XRCC5: variants seen among roughly 807,000 people sequenced by gnomAD.
XRCC5 encodes X-ray repair cross complementing 5, also known as DNA repair protein Ku80.
XRCC5 carries 12 observed loss-of-function variants against 95.7 expected under a neutral mutation model. That is an observed-to-expected ratio of 0.13 (90% CI 0.08 to 0.20). The LOEUF (loss-of-function observed/expected upper bound fraction) is 0.20, where lower values mean the gene tolerates loss of function less well. Ranked by LOEUF, XRCC5 falls within the 10% of genes least tolerant of loss-of-function variation. The pLI is 1.00. For missense variants in XRCC5, 595 were observed against 873.9 expected, an observed-to-expected ratio of 0.68 and a Z score of 4.02; for synonymous variants, 281 against 290.3, an observed-to-expected ratio of 0.97 and a Z score of 0.33.
intron 16 of XRCC5, among the ~76,000 whole-genome samples, chr2:216,173,443 G>A (rs1031087148): frequency 1.3e-5 from 2 of 152,084 alleles, no homozygotes; most frequent in African/African-American, 4.8e-5. Context: ...GTTGAGTTTT[G>A]TTAGATGCAT....
chr2:216,172,578 C>T (rs528857961), intron 16 of XRCC5, among the ~76,000 whole-genome samples: 12 of 148,538 alleles, frequency 8.1e-5, no homozygotes, highest in African/African-American at 2.0e-4. Flanking sequence ...AAGTGATTCT[C>T]GTGCCTCAGC....
intron 16 of XRCC5, among the ~76,000 whole-genome samples, chr2:216,189,168 GT>G (rs1251300144): frequency 3.9e-5 from 6 of 152,218 alleles, no homozygotes; most frequent in Non-Finnish European, 7.3e-5. Context: ...GCCTTTATTG[GT>G]AAAGCTTGAA....
At chr2:216,147,957 G>GT in intron 13 of XRCC5, 126 bp from the exon 14 acceptor site, 2 of 1,041,170 alleles carry the variant, frequency 1.9e-6, no homozygotes, top group East Asian at 2.5e-5. Flanking sequence ...CCTCTTGATT[G>GT]TTTTTTACAT....
At chr2:216,111,887 G>T (rs1696596816) in intron 1 of XRCC5, among the ~76,000 whole-genome samples, 2 of 152,168 alleles carry the variant, frequency 1.3e-5, no homozygotes, top group Admixed American at 1.3e-4. Context: ...TAGGAGAGAT[G>T]GGACTAGATC....
intron 19 of XRCC5, among the ~76,000 whole-genome samples, chr2:216,201,577 C>CATCA (rs1689834376): frequency 6.6e-6 from 1 of 152,096 alleles, no homozygotes; most frequent in Admixed American, 6.5e-5. Context: ...TTTATGGTAA[C>CATCA]CCCAGGTAAG....
At chr2:216,203,537 C>CA (rs1314097992) in intron 19 of XRCC5, among the ~76,000 whole-genome samples, 2 of 152,182 alleles carry the variant, frequency 1.3e-5, no homozygotes, top group Non-Finnish European at 2.9e-5. Context: ...CAAGGGCACT[C>CA]ACCTCACTAC....
At chr2:216,143,956 C>T (rs962670772) in intron 13 of XRCC5, among the ~76,000 whole-genome samples, 22 of 151,998 alleles carry the variant, frequency 1.4e-4, no homozygotes, top group African/African-American at 1.7e-4. Context: ...CCTTGTGATC[C>T]GCCCGCCTCG....
chr2:216,118,523 A>G (rs891006528), intron 4 of XRCC5, among the ~76,000 whole-genome samples: 2 of 152,134 alleles, frequency 1.3e-5, no homozygotes, highest in Admixed American at 6.5e-5. Context: ...TTGGAAGTGT[A>G]TCTCTGGAGA....
chr2:216,157,414 T>C (rs989847435), intron 14 of XRCC5, among the ~76,000 whole-genome samples: 1 of 152,008 alleles, frequency 6.6e-6, no homozygotes, highest in South Asian at 2.1e-4. Context: ...TTTGTACTTT[T>C]AATAGAGGTG....
At chr2:216,185,649 G>A (rs1164642747) in intron 16 of XRCC5, among the ~76,000 whole-genome samples, 1 of 150,934 alleles carries the variant, frequency 6.6e-6, no homozygotes, top group East Asian at 1.9e-4. Flanking sequence ...ATTGTCATTG[G>A]CTACATAAAT....
chr2:216,141,345 A>T, intron 13 of XRCC5, 26 bp downstream of exon 13: 1 of 1,613,350 alleles, frequency 6.2e-7, no homozygotes. Flanking sequence ...TGAACAAGTC[A>T]TATTTCTTTT....
chr2:216,179,294 T>C (rs1175763020), intron 16 of XRCC5, among the ~76,000 whole-genome samples: 1 of 152,192 alleles, frequency 6.6e-6, no homozygotes, highest in Non-Finnish European at 1.5e-5. Flanking sequence ...GTTTGCCTCT[T>C]CTTATAAGGA....
intron 13 of XRCC5, among the ~76,000 whole-genome samples, chr2:216,143,226 C>A (rs1697199211): frequency 1.3e-5 from 2 of 152,200 alleles, no homozygotes; most frequent in African/African-American, 2.4e-5. Context: ...ATTGAACCAT[C>A]ATAAACCAGG....
chr2:216,109,574 T>C, intron 1 of XRCC5, 117 bp downstream of exon 1: 2 of 1,460,774 alleles, frequency 1.4e-6, no homozygotes, highest in Non-Finnish European at 1.9e-6. Flanking sequence ...GAGAAGATCA[T>C]GGTGGTGGGC....
chr2:216,171,393 G>A (rs1207083010), intron 16 of XRCC5, among the ~76,000 whole-genome samples: 1 of 152,246 alleles, frequency 6.6e-6, no homozygotes, highest in African/African-American at 2.4e-5. Context: ...TTATAGAACA[G>A]TTTCAGCAGG....
At chr2:216,135,859 A>T (rs1347444547) in intron 10 of XRCC5, among the ~76,000 whole-genome samples, 1 of 151,578 alleles carries the variant, frequency 6.6e-6, no homozygotes, top group Non-Finnish European at 1.5e-5. Flanking sequence ...CGGGGTTTCC[A>T]GTGTGGTTGA....
rs747121175 is a variant in XRCC5, at chr2:216,205,240, G to A, written c.*38G>A. The A allele has an allele frequency of 3.0e-5, 48 of 1,613,560 alleles. No individual in the cohort carries two copies. The highest frequency in any genetic ancestry group is 2.0e-4 in the Admixed American group (12 of 60,000). On this transcript the variant is annotated 3_prime_UTR_variant, in exon 21 of 21. Coordinates refer to ENST00000392132, the MANE Select transcript of XRCC5 (RefSeq NM_021141.4). ...TGGGGAATCTAAGAGAGCTGCCATC[G>A]CTGTGATGCTGGGAGTTCTAACAAA...
intron 10 of XRCC5, among the ~76,000 whole-genome samples, chr2:216,134,179 G>A (rs1362446487): frequency 6.6e-6 from 1 of 152,148 alleles, no homozygotes; most frequent in African/African-American, 2.4e-5. Flanking sequence ...GATGAATACT[G>A]TTGTTTTTTA....
At chr2:216,127,861 C>G in intron 8 of XRCC5, 187 bp downstream of exon 8, 1 of 445,940 alleles carries the variant, frequency 2.2e-6, no homozygotes. Context: ...CAGGTTGCTT[C>G]TCAGGAGTAC....
Sources: allele counts gnomAD v4.1 joint callset (sites outside exome capture counted in the v4.1 genomes callset), GRCh38; gene constraint gnomAD v4.1.1; transcripts MANE v1.5; gene names NCBI Gene and HGNC (gene_info 2026-07-23, HGNC 2026-07-21).